Variants in WWOX observed in about 807,000 individuals in gnomAD.
WWOX encodes the protein WW domain containing oxidoreductase, also known as WW domain-containing oxidoreductase.
A neutral mutation model predicts 46.2 loss-of-function variants in WWOX; 69 were observed. That is an observed-to-expected ratio of 1.49 (90% CI 1.23 to 1.82). The LOEUF (loss-of-function observed/expected upper bound fraction) is 1.82. Among genes scored for constraint, WWOX ranks in the 40% most tolerant of loss-of-function variants. The pLI, the probability that WWOX is intolerant of heterozygous loss-of-function variation, is 0.00. For synonymous variants in WWOX, 359 were observed against 202.6 expected (o/e 1.77, Z -6.56); for missense variants, 919 against 542.6 (o/e 1.69, Z -6.89).
intron 8 of WWOX, among the ~76,000 whole-genome samples, chr16:79,009,127 T>G (rs979131713): frequency 2.6e-5 from 4 of 152,178 alleles, no homozygotes; most frequent in Non-Finnish European, 4.4e-5. Context: ...CTTCCAGGCT[T>G]AATGGATGAT....
rs934243906 is a variant in WWOX, at chr16:78,926,273, T to C, written c.1057-285335T>C. On this transcript the variant is annotated intron_variant, in intron 8 of 8. Transcript: ENST00000566780. ...TTGTGGTTTCAGCTACCTGGGAGGCTAAAGTGGGAGGATATCCTGAGCCCA... is the reference window on the plus strand; with the variant it reads ...TTGTGGTTTCAGCTACCTGGGAGGCCAAAGTGGGAGGATATCCTGAGCCCA... Among the ~76,000 whole-genome samples the C allele has an allele frequency of 2.0e-5, 3 of 151,438 alleles. No individual in the cohort carries two copies. In the East Asian group the frequency reaches 5.9e-4, roughly 30 times the overall value.
intron 8 of WWOX, chr16:79,004,259 G>C (rs2047149909): frequency 6.6e-6 from 1 of 152,144 alleles, no homozygotes; most frequent in East Asian, 1.9e-4. Context: ...GGGAATTCTG[G>C]AATGAATAAA....
At chr16:78,453,293 G>A (rs549885821) in intron 8 of WWOX, among the ~76,000 whole-genome samples, 6 of 151,968 alleles carry the variant, frequency 3.9e-5, no homozygotes, top group East Asian at 2.0e-4. Flanking sequence ...GCATGGTAGC[G>A]GTGCCTGTAA....
At chr16:78,492,849 G>T (rs1460293034) in intron 8 of WWOX, among the ~76,000 whole-genome samples, 1 of 152,076 alleles carries the variant, frequency 6.6e-6, no homozygotes, top group African/African-American at 2.4e-5. Context: ...GAATACTTGT[G>T]TCCCTTGAGC....
chr16:78,758,597 C>G (rs146431861), intron 8 of WWOX, among the ~76,000 whole-genome samples: 2 of 152,144 alleles, frequency 1.3e-5, no homozygotes, highest in African/African-American at 4.8e-5. Context: ...AACTATCAAC[C>G]GTGGATGGTT....
chr16:78,708,450 T>C (rs912916033), intron 8 of WWOX, among the ~76,000 whole-genome samples: 4 of 152,202 alleles, frequency 2.6e-5, no homozygotes, highest in African/African-American at 9.6e-5. Context: ...GGTCTTGGTA[T>C]CTTTCCTCCT....
chr16:78,854,556 C>G (rs995432195), intron 8 of WWOX, among the ~76,000 whole-genome samples: 2 of 152,162 alleles, frequency 1.3e-5, no homozygotes, highest in Non-Finnish European at 2.9e-5. Flanking sequence ...AGATTAACAC[C>G]TAACGATACC....
chr16:78,365,959 A>G (rs1364153233), intron 5 of WWOX, among the ~76,000 whole-genome samples: 5 of 152,192 alleles, frequency 3.3e-5, no homozygotes, highest in Non-Finnish European at 7.3e-5. Context: ...TATTATGCCC[A>G]TGTGCCAGGT....
At chr16:78,901,442 A>G (rs1011289889) in intron 8 of WWOX, among the ~76,000 whole-genome samples, 2 of 151,104 alleles carry the variant, frequency 1.3e-5, no homozygotes, top group Non-Finnish European at 2.9e-5. Context: ...CTTCTGTTTC[A>G]TTTTCTGTTT....
At chr16:79,080,724 T>A (rs1178404277) in intron 8 of WWOX, among the ~76,000 whole-genome samples, 2 of 152,146 alleles carry the variant, frequency 1.3e-5, no homozygotes, top group Admixed American at 6.5e-5. Context: ...CCCAGCCACT[T>A]GGGAGGCTGA....
At chr16:78,845,982 G>T (rs753069789) in intron 8 of WWOX, among the ~76,000 whole-genome samples, 15 of 152,142 alleles carry the variant, frequency 9.9e-5, no homozygotes, top group Non-Finnish European at 1.9e-4. Context: ...GCCTAATCCA[G>T]TCTGAACCAA....
chr16:79,200,244 G>A (rs1567612819), intron 8 of WWOX, among the ~76,000 whole-genome samples: 1 of 152,274 alleles, frequency 6.6e-6, no homozygotes, highest in Non-Finnish European at 1.5e-5. Context: ...GGAGGAGAAA[G>A]GTCCCTGCTG....
At chr16:78,321,165 T>G (rs539609303) in intron 5 of WWOX, among the ~76,000 whole-genome samples, 68 of 151,936 alleles carry the variant, frequency 4.5e-4, no homozygotes, top group African/African-American at 1.5e-3. Context: ...GTATAGGCCT[T>G]AATTGAAAAT....
At chr16:79,050,718 G>T (rs578022502) in intron 8 of WWOX, among the ~76,000 whole-genome samples, 2 of 152,284 alleles carry the variant, frequency 1.3e-5, no homozygotes, top group Admixed American at 6.5e-5. Flanking sequence ...GAAATGAATG[G>T]GGCTACATAG....
intron 8 of WWOX, chr16:78,525,184 CTTTTTTTTTTTTTT>C (rs56305807): frequency 6.9e-5 from 7 of 102,182 alleles, no homozygotes; most frequent in African/African-American, 2.5e-4. Flanking sequence ...TTTTTCTTTT[CTTTTTTTTTTTTTT>C]TTTTTGAAAT....
chr16:78,749,300 C>G (rs947810064), intron 8 of WWOX, among the ~76,000 whole-genome samples: 6 of 152,092 alleles, frequency 3.9e-5, no homozygotes, highest in African/African-American at 1.4e-4. Context: ...ATCCTCTTCC[C>G]TACAGAGAGG....
At chr16:78,659,370 A>G (rs940330075) in intron 8 of WWOX, among the ~76,000 whole-genome samples, 2 of 151,988 alleles carry the variant, frequency 1.3e-5, no homozygotes, top group Non-Finnish European at 2.9e-5. Context: ...AAGCGACAAC[A>G]TCAGGGTCAT....
chr16:78,397,065 T>C (rs933355162), intron 6 of WWOX, among the ~76,000 whole-genome samples: 1 of 152,178 alleles, frequency 6.6e-6, no homozygotes, highest in African/African-American at 2.4e-5. Context: ...GGTAAATAAG[T>C]GTTGAGAGTC....
intron 8 of WWOX, among the ~76,000 whole-genome samples, chr16:79,050,465 G>C (rs2048145419): frequency 6.6e-6 from 1 of 152,310 alleles, no homozygotes; most frequent in East Asian, 1.9e-4. Flanking sequence ...TCTAGACCCA[G>C]AACTGGCATA....
Sources: gnomAD v4.1 joint callset for allele counts (sites outside exome capture counted in the v4.1 genomes callset) on GRCh38, gnomAD v4.1.1 for gene constraint, MANE v1.5 for transcripts, NCBI Gene and HGNC (gene_info 2026-07-23, HGNC 2026-07-21) for gene names.